SLC26A4: variants seen among roughly 807,000 people sequenced by gnomAD.
The protein encoded by SLC26A4 is solute carrier family 26 member 4, also known as pendrin.
Under a neutral mutation model 90.4 loss-of-function variants are expected in SLC26A4, and 93 were observed. The ratio of observed to expected loss-of-function variants is 1.03; its 90% CI spans 0.87 to 1.22. The LOEUF is 1.22. Among genes scored for constraint, SLC26A4 ranks in the 50% most tolerant of loss-of-function variants. The pLI is 0.00. For missense variants in SLC26A4, 1,127 were observed against 946.2 expected (o/e 1.19, Z -2.51); for synonymous variants, 393 against 354.6 (o/e 1.11, Z -1.22).
Position 107,689,793 on chromosome 7 carries a change from A to C in SLC26A4, c.1150-331A>C, listed in dbSNP as rs557868148. ...CACTGCTAGTCATAATATGCTTCATAGTGAATATTCAACCACAGAAAAACA... is the reference window on the plus strand; with the variant it reads ...CACTGCTAGTCATAATATGCTTCATCGTGAATATTCAACCACAGAAAAACA... On this transcript the variant is annotated intron_variant, in intron 9 of 20. Coordinates refer to ENST00000644269, the MANE Select transcript of SLC26A4 (RefSeq NM_000441.2). Among the ~76,000 whole-genome samples the C allele has an allele frequency of 2.0e-5, 3 of 152,354 alleles. No individual in the cohort carries two copies. The South Asian group carries it at 6.2e-4, about 32-fold the overall frequency.
At chr7:107,682,673 C>T (rs947570043) in intron 6 of SLC26A4, among the ~76,000 whole-genome samples, 5 of 151,964 alleles carry the variant, frequency 3.3e-5, no homozygotes, top group African/African-American at 1.2e-4. Flanking sequence ...CACACACACA[C>T]ACACATACAC....
At chr7:107,706,054 G>A (rs1167824601) in intron 18 of SLC26A4, among the ~76,000 whole-genome samples, 1 of 152,202 alleles carries the variant, frequency 6.6e-6, no homozygotes, top group Non-Finnish European at 1.5e-5. Flanking sequence ...ATCCAGCTCA[G>A]TCTACAGGTA....
At chr7:107,704,476 CT>C (rs546657902) in intron 18 of SLC26A4, 91 bp downstream of exon 18, 74,572 of 461,918 alleles carry the variant, frequency 0.16, 4 homozygotes, top group South Asian at 0.22. Context: ...GTCTGAAGGC[CT>C]TTTTTTTTTT....
At chr7:107,713,664 A>G (rs1195959488) in intron 20 of SLC26A4, among the ~76,000 whole-genome samples, 2 of 152,228 alleles carry the variant, frequency 1.3e-5, no homozygotes. Flanking sequence ...TGATCTCATC[A>G]AGATATTCCT....
chr7:107,674,750 T>C (rs1790975255), intron 5 of SLC26A4, among the ~76,000 whole-genome samples, 195 bp from the exon 6 acceptor site: 1 of 152,186 alleles, frequency 6.6e-6, no homozygotes, highest in South Asian at 2.1e-4. Flanking sequence ...TTACACTTAG[T>C]TTTCAAATTT....
At position 107,671,102 on chromosome 7, in the gene SLC26A4, C is replaced by A. The variant is rs61521476; in HGVS notation, c.305-1036C>A. Among the ~76,000 whole-genome samples the A allele has an allele frequency of 3.5e-3, 534 of 152,316 alleles. 4 individuals are homozygous for A. Among genetic ancestry groups the A allele is most frequent in the African/African-American group, 0.013 (521 of 41,560 alleles). On this transcript the variant is annotated intron_variant, in intron 3 of 20. Coordinates refer to ENST00000644269, the MANE Select transcript of SLC26A4 (RefSeq NM_000441.2). ...CCTCAGAACGCAGAGAAATATTGAG[C>A]TCAGACACAACTGCCTCTGTGCAAA...
chr7:107,690,338 G>C (rs188157224), intron 10 of SLC26A4, 101 bp downstream of exon 10: 3 of 778,108 alleles, frequency 3.9e-6, no homozygotes, highest in Admixed American at 1.8e-5. Flanking sequence ...TTGCCTTTCA[G>C]ACTTGTACTT....
At chr7:107,694,747 A>C (rs1370457015) in intron 12 of SLC26A4, 31 bp downstream of exon 12, 2 of 1,464,998 alleles carry the variant, frequency 1.4e-6, no homozygotes, top group African/African-American at 2.8e-5. Flanking sequence ...ATTTATCTGA[A>C]ATAAGATTTG....
chr7:107,675,949 G>A (rs1791014398), intron 6 of SLC26A4, among the ~76,000 whole-genome samples: 1 of 152,174 alleles, frequency 6.6e-6, no homozygotes, highest in African/African-American at 2.4e-5. Flanking sequence ...AAATACTATT[G>A]TACTTAAAAA....
intron 18 of SLC26A4, among the ~76,000 whole-genome samples, chr7:107,706,152 C>T (rs946449436): frequency 6.6e-6 from 1 of 152,184 alleles, no homozygotes; most frequent in Non-Finnish European, 1.5e-5. Flanking sequence ...GTTTTTCTTT[C>T]TATAGTCACC....
intron 18 of SLC26A4, among the ~76,000 whole-genome samples, chr7:107,705,523 T>A (rs1792015732): frequency 6.6e-6 from 1 of 152,246 alleles, no homozygotes; most frequent in Admixed American, 6.5e-5. Flanking sequence ...CTACCTGTTT[T>A]AACCAAGAAG....
chr7:107,683,517 T>C lies in SLC26A4; in HGVS notation c.981T>C (p.Ile327=), dbSNP rs2129314564. 5.0e-6 allele frequency: 8 copies of C among 1,613,814 alleles called. No individual in the cohort carries two copies. Among genetic ancestry groups the C allele is most frequent in the Non-Finnish European group, 6.8e-6 (8 of 1,179,774 alleles). Residue 327 remains isoleucine, a synonymous_variant, in exon 8 of 21, where the codon ATT becomes ATC. Transcript: ENST00000644269. Reference sequence around the variant, plus strand: ...TGGAAAAAAATTACAATGCTGGCATTGTTAAATCCATCCCAAGGGGGTGAG... The same window carrying C: ...TGGAAAAAAATTACAATGCTGGCATCGTTAAATCCATCCCAAGGGGGTGAG... ...ANLEKNYNAG[I]VKSIPRGFLP...
rs60022317 is a variant in SLC26A4 at position 107,675,285 on chromosome 7, TA to T, written c.765+197del. On this transcript the variant is annotated intron_variant, in intron 6 of 20. Coordinates refer to ENST00000644269, the MANE Select transcript of SLC26A4 (RefSeq NM_000441.2). Reference sequence around the variant, plus strand: ...GTTTGAGACGTGAGACCTCATCTCTTAAAAAAAAAAAAAAAAAAAAAGAAAG... The same window carrying T: ...GTTTGAGACGTGAGACCTCATCTCTTAAAAAAAAAAAAAAAAAAAAGAAAG... 0.56 allele frequency among the ~76,000 whole-genome samples: 54,479 copies of T among 96,520 alleles called. 13,714 individuals carry two copies. Among genetic ancestry groups the T allele is most frequent in the Admixed American group, 0.59 (4,923 of 8,370 alleles). The allele number at this position is 96,520 out of a possible 152,430, so 63.3% of individuals were successfully genotyped here. A position where few individuals can be genotyped will look rare whatever the true frequency, so the allele number is the denominator to read the frequency against.
At chr7:107,672,936 T>G (rs545797651) in intron 4 of SLC26A4, among the ~76,000 whole-genome samples, 19 of 152,356 alleles carry the variant, frequency 1.2e-4, no homozygotes, top group African/African-American at 4.6e-4. Flanking sequence ...ATCCATCTGC[T>G]GGCTAGACAT....
chr7:107,681,999 A>G lies in SLC26A4; in HGVS notation c.766-1203A>G, dbSNP rs190817863. Among the ~76,000 whole-genome samples the G allele has an allele frequency of 5.1e-3, 770 of 151,408 alleles. 11 individuals carry two copies. Among genetic ancestry groups the G allele is most frequent in the African/African-American group, 0.018 (753 of 41,234 alleles). ...GTACTCTCTACAATAAATAAAATAA[A>G]TATAGATGCCTGCCTGTAGCTCCAG... On this transcript the variant is annotated intron_variant, in intron 6 of 20. Coordinates refer to ENST00000644269, the MANE Select transcript of SLC26A4 (RefSeq NM_000441.2).
At position 107,661,731 on chromosome 7, in the gene SLC26A4, C is replaced by G. The variant is rs566715839; in HGVS notation, c.90C>G (p.Leu30=). ...YMVSRPVYSE[L]AFQQQHERRL... ...TGTCGCGGCCGGTCTACAGCGAGCT[C>G]GCTTTCCAGCAACAGCACGAGCGGC... Residue 30 remains leucine, a synonymous_variant, in exon 2 of 21, where the codon CTC becomes CTG. Transcript: ENST00000644269. The surrounding 1 kb of genome is among the most constrained non-coding windows in gnomAD (Gnocchi z 5.1). 2.4e-5 allele frequency: 37 copies of G among 1,555,542 alleles called. No homozygotes were observed. In the Admixed American group the frequency reaches 5.0e-4, roughly 21 times the overall value.
intron 20 of SLC26A4, among the ~76,000 whole-genome samples, chr7:107,713,661 A>T (rs570564426): frequency 6.6e-6 from 1 of 152,194 alleles, no homozygotes; most frequent in African/African-American, 2.4e-5. Flanking sequence ...CCTTGATCTC[A>T]TCAAGATATT....
intron 3 of SLC26A4, among the ~76,000 whole-genome samples, chr7:107,670,014 C>G (rs956450222): frequency 6.6e-5 from 10 of 152,102 alleles, no homozygotes; most frequent in Admixed American, 2.6e-4. Context: ...ATTTCTTAAG[C>G]TAGATGATGG....
chr7:107,671,925 A>G (rs1790878525), intron 3 of SLC26A4, among the ~76,000 whole-genome samples: 1 of 152,242 alleles, frequency 6.6e-6, no homozygotes, highest in African/African-American at 2.4e-5. Flanking sequence ...TTTATAATAA[A>G]GTATTGAATA....
Sources: allele counts gnomAD v4.1 joint callset (sites outside exome capture counted in the v4.1 genomes callset), GRCh38; gene constraint gnomAD v4.1.1; non-coding constraint Gnocchi (gnomAD v3.1); transcripts MANE v1.5; gene names NCBI Gene and HGNC (gene_info 2026-07-23, HGNC 2026-07-21).